The following NEDD4 variants were observed in gnomAD, a reference collection of about 807,000 sequenced individuals.
The protein encoded by NEDD4 is E3 ubiquitin-protein ligase NEDD4.
Under a neutral mutation model 144.9 loss-of-function variants are expected in NEDD4, and 99 were observed. That is an observed-to-expected ratio of 0.68 (90% CI 0.58 to 0.81). The LOEUF is 0.81. NEDD4 is among the 30% of genes least tolerant of loss of function. NEDD4 has a pLI of 0.00. For synonymous variants in NEDD4, 318 were observed against 350.6 expected (o/e 0.91, Z 1.04); for missense variants, 985 against 1,065.9 (o/e 0.92, Z 1.06).
chr15:55,983,804 T>C (rs2037846064), intron 1 of NEDD4, among the ~76,000 whole-genome samples: 1 of 151,914 alleles, frequency 6.6e-6, no homozygotes, highest in Non-Finnish European at 1.5e-5. Flanking sequence ...AGAGACAGGG[T>C]TTCACCATGT....
At chr15:55,890,712 T>TA (rs1443018259) in intron 5 of NEDD4, among the ~76,000 whole-genome samples, 1 of 152,244 alleles carries the variant, frequency 6.6e-6, no homozygotes, top group African/African-American at 2.4e-5. Context: ...CAGAATTTGC[T>TA]AAAAATCTGC....
At chr15:55,933,373 C>CT in intron 4 of NEDD4, among the ~76,000 whole-genome samples, 1 of 151,896 alleles carries the variant, frequency 6.6e-6, no homozygotes, top group Admixed American at 6.6e-5. Flanking sequence ...AGTTAATGGC[C>CT]TTGTAGGGAC....
At chr15:55,891,450 T>G (rs991550505) in intron 5 of NEDD4, among the ~76,000 whole-genome samples, 2 of 152,228 alleles carry the variant, frequency 1.3e-5, no homozygotes. Context: ...CAAGTCAGTC[T>G]GTGATGTTCA....
At chr15:55,969,034 G>A (rs141675289) in intron 1 of NEDD4, among the ~76,000 whole-genome samples, 9 of 152,232 alleles carry the variant, frequency 5.9e-5, no homozygotes, top group East Asian at 5.8e-4. Flanking sequence ...CACTGAAGAG[G>A]GTAGGAAAGA....
At chr15:55,869,889 A>AAATAAATACATAAATAAATC (rs58734138) in intron 7 of NEDD4, among the ~76,000 whole-genome samples, 1 of 149,872 alleles carries the variant, frequency 6.7e-6, no homozygotes, top group Non-Finnish European at 1.5e-5. Flanking sequence ...ATAAATAAAT[A>AAATAAATACATAAATAAATC]AATAATTGTT....
At chr15:55,937,817 A>G (rs1376478740) in intron 4 of NEDD4, among the ~76,000 whole-genome samples, 2 of 152,250 alleles carry the variant, frequency 1.3e-5, no homozygotes, top group Non-Finnish European at 2.9e-5. Context: ...GAAATAGAAC[A>G]CATAATCCTA....
chr15:55,982,740 C>T (rs1308148106), intron 1 of NEDD4, among the ~76,000 whole-genome samples: 1 of 152,140 alleles, frequency 6.6e-6, no homozygotes, highest in African/African-American at 2.4e-5. Flanking sequence ...CTCTTCCCCA[C>T]CCCCATTCCA....
intron 4 of NEDD4, among the ~76,000 whole-genome samples, chr15:55,925,095 A>G (rs2036638414): frequency 6.6e-6 from 1 of 152,176 alleles, no homozygotes; most frequent in Non-Finnish European, 1.5e-5. Flanking sequence ...ACAAACAAAC[A>G]AAAAGAAGTT....
chr15:55,842,421 C>T (rs2033557431), intron 18 of NEDD4, among the ~76,000 whole-genome samples: 1 of 152,176 alleles, frequency 6.6e-6, no homozygotes, highest in African/African-American at 2.4e-5. Flanking sequence ...GGAGACAGCT[C>T]TGTAGTCCAG....
intron 5 of NEDD4, among the ~76,000 whole-genome samples, chr15:55,895,001 CTAAAAAAGGGAGGGGCT>C (rs1313967009): frequency 7.9e-5 from 12 of 152,076 alleles, no homozygotes; most frequent in Non-Finnish European, 1.8e-4. Context: ...CTTTCCACCT[CTAAAAAAGGGAGGGGCT>C]CATCCCATTG....
Position 55,843,526 on chromosome 15 carries a change from A to G in NEDD4, c.1609-1363T>C, listed in dbSNP as rs78622558. Reference sequence around the variant, plus strand: ...TACAAAAGATATATCTAAATATTTTATTCCTCAGTACTTCATGGGCAAATT... The same window carrying G: ...TACAAAAGATATATCTAAATATTTTGTTCCTCAGTACTTCATGGGCAAATT... On this transcript the variant is annotated intron_variant, in intron 18 of 28. Coordinates refer to ENST00000435532, the MANE Select transcript of NEDD4 (RefSeq NM_006154.4). Among the ~76,000 whole-genome samples, 267 of 152,304 alleles carry G rather than the reference A, an allele frequency of 1.8e-3. 1 individual carries two copies. Among genetic ancestry groups the G allele is most frequent in the Non-Finnish European group, 3.1e-3 (214 of 68,034 alleles).
intron 5 of NEDD4, among the ~76,000 whole-genome samples, chr15:55,874,444 G>A (rs2034918461): frequency 6.6e-6 from 1 of 152,054 alleles, no homozygotes; most frequent in Admixed American, 6.6e-5. Context: ...GAGTCAGAAG[G>A]CCTAGTTTGG....
At chr15:55,892,354 C>A (rs1318772710) in intron 5 of NEDD4, among the ~76,000 whole-genome samples, 1 of 150,770 alleles carries the variant, frequency 6.6e-6, no homozygotes, top group East Asian at 1.9e-4. Context: ...TTTTCCAGGG[C>A]AAATCTACTG....
chr15:55,855,029 T>C (rs930264637), intron 12 of NEDD4, among the ~76,000 whole-genome samples: 4 of 152,144 alleles, frequency 2.6e-5, no homozygotes, highest in African/African-American at 9.7e-5. Flanking sequence ...GCTGGACAGA[T>C]GACAGTGAGT....
chr15:55,865,346 A>G (rs1422614001), intron 8 of NEDD4, among the ~76,000 whole-genome samples: 1 of 152,132 alleles, frequency 6.6e-6, no homozygotes, highest in Non-Finnish European at 1.5e-5. Flanking sequence ...TTATATCAGG[A>G]TAAGTTACAG....
At chr15:55,871,383 G>C (rs550766985) in intron 7 of NEDD4, among the ~76,000 whole-genome samples, 3 of 152,266 alleles carry the variant, frequency 2.0e-5, no homozygotes, top group African/African-American at 7.2e-5. Flanking sequence ...TTCTACACTT[G>C]CAATAATATT....
At position 55,993,593 on chromosome 15, in the gene NEDD4, C is replaced by T; in HGVS notation, c.-38G>A. 1.3e-6 allele frequency: 2 copies of T among 1,586,296 alleles called. No individual in the cohort carries two copies. Among genetic ancestry groups the T allele is most frequent in the South Asian group, 1.1e-5 (1 of 88,214 alleles). On this transcript the variant is annotated 5_prime_UTR_variant, in exon 1 of 29. Coordinates refer to ENST00000435532, the MANE Select transcript of NEDD4 (RefSeq NM_006154.4). ...CCAGCAAACCGGACGCGCTCGCCCC[C>T]GCCCAGGGCAGGCAACTGTGGAGGA...
intron 7 of NEDD4, among the ~76,000 whole-genome samples, 191 bp from the exon 8 acceptor site, chr15:55,869,872 TAAA>T (rs1566922504): frequency 1.4e-5 from 2 of 142,458 alleles, no homozygotes; most frequent in East Asian, 4.0e-4. Flanking sequence ...TATAAATAAA[TAAA>T]TAAATAAATA....
intron 5 of NEDD4, among the ~76,000 whole-genome samples, chr15:55,888,291 T>C (rs2035457620): frequency 6.6e-6 from 1 of 152,192 alleles, no homozygotes; most frequent in Non-Finnish European, 1.5e-5. Flanking sequence ...AGTTGCATGA[T>C]ACATAATTAA....
Sources: allele counts gnomAD v4.1 joint callset (sites outside exome capture counted in the v4.1 genomes callset), GRCh38; gene constraint gnomAD v4.1.1; transcripts MANE v1.5; gene names NCBI Gene and HGNC (gene_info 2026-07-23, HGNC 2026-07-21).